Variants in MYH7B observed in about 807,000 individuals in gnomAD.
MYH7B encodes the protein myosin heavy chain 7B, also known as myosin-7B.
MYH7B carries 205 observed loss-of-function variants against 234.5 expected under a neutral mutation model. That is an observed-to-expected ratio of 0.87 (90% CI 0.78 to 0.98). The LOEUF (loss-of-function observed/expected upper bound fraction) is 0.98. MYH7B is among the 50% of genes least tolerant of loss of function. MYH7B has a pLI of 0.00. For synonymous variants in MYH7B, 1,193 were observed against 1,105.0 expected (o/e 1.08, Z -1.58); for missense variants, 2,652 against 2,633.4 (o/e 1.01, Z -0.15).
chr20:34,978,025 T>C, exon 5 of MYH7B: 2 of 1,614,114 alleles, frequency 1.2e-6, no homozygotes, highest in Non-Finnish European at 1.7e-6. Context: ...GTGAGTGAAC[T>C]TGGGGAGTCT....
At chr20:34,977,360 G>A (rs1000623160) in intron 3 of MYH7B, among the ~76,000 whole-genome samples, 9 of 151,908 alleles carry the variant, frequency 5.9e-5, no homozygotes, top group Non-Finnish European at 1.0e-4. Context: ...CAGACTCTGC[G>A]TGACTTGGTT....
At chr20:34,969,335 AC>A in intron 2 of MYH7B, among the ~76,000 whole-genome samples, 1 of 152,154 alleles carries the variant, frequency 6.6e-6, no homozygotes, top group South Asian at 2.1e-4. Context: ...GGTTATACAT[AC>A]ACGATTTAAA....
chr20:34,977,576 G>C, intron 3 of MYH7B, 56 bp from the exon 4 acceptor site: 1 of 1,530,534 alleles, frequency 6.5e-7, no homozygotes, highest in Non-Finnish European at 8.9e-7. Flanking sequence ...GCCAGGCTGG[G>C]GGGGCTGTGA....
chr20:34,985,053 C>A lies in MYH7B; in HGVS notation c.742-13C>A. 6.2e-7 allele frequency: 1 copy of A among 1,614,090 alleles called. No homozygotes were observed. Among genetic ancestry groups the A allele is most frequent in the Non-Finnish European group, 8.5e-7 (1 of 1,179,942 alleles). ...CTGTGCCCCTTGGCTGAGGGCTGCC[C>A]CTCTGCCCACAGGGCAAGTTCATCC... On this transcript the variant is annotated splice_polypyrimidine_tract_variant and intron_variant, in intron 12 of 44. Transcript: ENST00000262873.
rs750828781 is a variant in MYH7B at position 35,001,443 on chromosome 20, AG to A, written c.5595del (p.Lys1866ArgfsTer95). 3 of 1,602,750 alleles carry A rather than the reference AG, an allele frequency of 1.9e-6. No individual in the cohort carries two copies. The highest frequency in any genetic ancestry group is 3.5e-5 in the Admixed American group (2 of 57,934). ...CTTGCCCGCCCAGGCCGAGGAGGAC[AG>A]GAAGAACCTGGCTCGCATGCAGGAC... On this transcript the variant is annotated frameshift_variant, in exon 43 of 45. Coordinates refer to ENST00000262873, the Ensembl canonical transcript of MYH7B. LOFTEE classifies it high-confidence loss of function.
intron 2 of MYH7B, among the ~76,000 whole-genome samples, chr20:34,974,011 G>A (rs2081819893): frequency 1.4e-5 from 2 of 147,482 alleles, no homozygotes; most frequent in South Asian, 2.1e-4. Flanking sequence ...TGCAACCTCC[G>A]CCTCCCAGGT....
Position 34,990,219 on chromosome 20 carries a change from C to G in MYH7B, c.1901-15C>G. 6.2e-7 allele frequency: 1 copy of G among 1,614,160 alleles called. No homozygotes were observed. Among genetic ancestry groups the G allele is most frequent in the Non-Finnish European group, 8.5e-7 (1 of 1,180,040 alleles). ...CGACATTCCCTGGAGTGACCAGGCC[C>G]CTTGTCTCTATTAGCTGAGCCCCCC... On this transcript the variant is annotated splice_polypyrimidine_tract_variant and intron_variant, in intron 21 of 44. Transcript: ENST00000262873.
chr20:34,991,106 C>T lies in MYH7B; in HGVS notation c.2168C>T (p.Thr723Ile), dbSNP rs750127411. Residue 723 changes from threonine (T) to isoleucine (I), a missense_variant, in exon 24 of 45, where the codon ACC becomes ATC. By Grantham distance (89) the Thr-to-Ile change is moderately conservative. Around this residue, in one of 3 missense-constraint regions of MYH7B, gnomAD observed 2,279 missense variants for 2,211.4 expected, o/e 1.03. Transcript: ENST00000262873. ...GGGTTCCCCAACAGGTTGCTCTACACCGACTTCCGGCAGCGGTGGGTGACC... is the reference window on the plus strand; with the variant it reads ...GGGTTCCCCAACAGGTTGCTCTACATCGACTTCCGGCAGCGGTGGGTGACC... 3.1e-6 allele frequency: 5 copies of T among 1,610,274 alleles called. No homozygotes were observed. The Admixed American group carries it at 6.7e-5, about 22-fold the overall frequency.
At chr20:34,964,309 TG>T (rs2081723829) in intron 2 of MYH7B, among the ~76,000 whole-genome samples, 1 of 152,084 alleles carries the variant, frequency 6.6e-6, no homozygotes, top group Non-Finnish European at 1.5e-5. Context: ...TAGCAAGATT[TG>T]TTTTTCAGTA....
exon 32 of MYH7B, chr20:34,997,334 G>C: frequency 6.5e-7 from 1 of 1,545,824 alleles, no homozygotes. Flanking sequence ...CAGAGGCGGC[G>C]CGGGAGCTGG....
At position 34,986,813 on chromosome 20, in the gene MYH7B, A is replaced by G. The variant is rs190674852; in HGVS notation, c.905-73A>G. On this transcript the variant is annotated intron_variant, in intron 14 of 44. Transcript: ENST00000262873. ...TGGGCTTGCCCCCGCAGGACCCCCT[A>G]TGCTGCAATTGTTGTGGGGAGAATA... 212 of 1,262,682 alleles carry G rather than the reference A, an allele frequency of 1.7e-4. No individual in the cohort carries two copies. The East Asian group carries it at 3.2e-3, about 19-fold the overall frequency. The allele number at this position is 1,262,682 out of a possible 1,614,324, so 78.2% of individuals were successfully genotyped here.
exon 26 of MYH7B, chr20:34,993,406 C>T (rs1600457769): frequency 1.7e-5 from 27 of 1,612,920 alleles, no homozygotes; most frequent in Non-Finnish European, 2.2e-5. Context: ...GGTGCTGACG[C>T]TGCTGCAGGC....
At chr20:34,976,107 C>T (rs1324056089) in intron 3 of MYH7B, among the ~76,000 whole-genome samples, 3 of 152,160 alleles carry the variant, frequency 2.0e-5, no homozygotes, top group Admixed American at 6.5e-5. Flanking sequence ...GCAAAGTGCA[C>T]GCACCTGTGT....
chr20:34,983,788 T>C (rs1005248994), intron 10 of MYH7B, among the ~76,000 whole-genome samples: 3 of 152,176 alleles, frequency 2.0e-5, no homozygotes, highest in Non-Finnish European at 4.4e-5. Context: ...TCCCTGTGGG[T>C]ATTTTAACTC....
At position 35,000,380 on chromosome 20, in the gene MYH7B, G is replaced by A. The variant is rs563942734; in HGVS notation, c.4869G>A (p.Lys1623=). The A allele has an allele frequency of 2.5e-6, 4 of 1,599,588 alleles. No homozygotes were observed. The South Asian group carries it at 3.3e-5, about 13-fold the overall frequency. The stretch of plus-strand genomic sequence containing the variant: ...GCAATGAGGCGCTGCGGCTCAAGAA[G>A]AAGATGGAGGGTGACCTCAACGACC... Residue 1623 remains lysine (K), a synonymous_variant, in exon 39 of 45, where the codon AAG becomes AAA. Transcript: ENST00000262873.
At chr20:34,984,633 A>AC in intron 10 of MYH7B, 59 bp from the exon 11 acceptor site, 20 of 983,800 alleles carry the variant, frequency 2.0e-5, no homozygotes, top group Non-Finnish European at 2.9e-5. Flanking sequence ...ACCCTGCCCC[A>AC]CCCCGCCCTT....
exon 35 of MYH7B, chr20:34,998,767 G>A (rs1490709551): frequency 6.2e-6 from 10 of 1,612,962 alleles, no homozygotes; most frequent in Non-Finnish European, 7.6e-6. Context: ...GCACGACTGT[G>A]ACCTCCTGCG....
exon 36 of MYH7B, chr20:34,999,312 G>A (rs373220024): frequency 1.3e-6 from 2 of 1,580,190 alleles, no homozygotes; most frequent in African/African-American, 1.3e-5. Context: ...GGAGTCCCGT[G>A]GCCTGGGCAC....
intron 2 of MYH7B, among the ~76,000 whole-genome samples, chr20:34,969,536 G>T (rs536325570): frequency 8.3e-4 from 122 of 146,292 alleles, no homozygotes; most frequent in Middle Eastern, 3.6e-3. Context: ...ACATTCTTCT[G>T]CTCCTTTTTT....
Sources: allele counts gnomAD v4.1 joint callset (sites outside exome capture counted in the v4.1 genomes callset), GRCh38; gene constraint gnomAD v4.1.1; regional missense constraint gnomAD v4.1.1; transcripts MANE v1.5; gene names NCBI Gene and HGNC (gene_info 2026-07-23, HGNC 2026-07-21).